The following GTF2B variants were observed in gnomAD, a reference collection of about 807,000 sequenced individuals.
The protein encoded by GTF2B is general transcription factor IIB.
GTF2B carries 20 observed loss-of-function variants against 34.6 expected under a neutral mutation model. The ratio of observed to expected loss-of-function variants is 0.58; its 90% confidence interval spans 0.41 to 0.84. GTF2B has a LOEUF of 0.84. Ranked by LOEUF, GTF2B falls within the 40% of genes least tolerant of loss-of-function variation. The pLI, the probability that GTF2B is intolerant of heterozygous loss-of-function variation, is 0.00. For synonymous variants in GTF2B, 142 were observed against 132.4 expected (o/e 1.07, Z -0.50); for missense variants, 237 against 393.3 (o/e 0.60, Z 3.36).
At chr1:88,866,535 A>G (rs1673564163) in intron 2 of GTF2B, among the ~76,000 whole-genome samples, 1 of 151,954 alleles carries the variant, frequency 6.6e-6, no homozygotes, top group Admixed American at 6.6e-5. Flanking sequence ...TAGCCTCCTG[A>G]GCAGCTACAG....
rs1403062678 is a variant in GTF2B at position 88,863,970 on chromosome 1, G to A, written c.258+11C>T. On this transcript the variant is annotated intron_variant, in intron 3 of 6. Coordinates refer to ENST00000370500, the MANE Select transcript of GTF2B (RefSeq NM_001514.6). ...CTGCAATTGGTATTTCCTGCCAAAT[G>A]GACTTATTACCTTGCCAATCATGGT... 1 of 1,612,680 alleles carries A rather than the reference G, an allele frequency of 6.2e-7. No homozygotes were observed.
intron 2 of GTF2B, among the ~76,000 whole-genome samples, chr1:88,864,500 A>C (rs948946727): frequency 5.9e-5 from 9 of 152,254 alleles, no homozygotes; most frequent in African/African-American, 2.2e-4. Flanking sequence ...GTATTAATGC[A>C]AATAATTTCA....
intron 1 of GTF2B, chr1:88,887,739 C>G (rs918010606): frequency 1.1e-4 from 26 of 234,354 alleles, no homozygotes; most frequent in Non-Finnish European, 2.0e-4. Flanking sequence ...GTGCTCTTTG[C>G]CACTTATTTC....
At chr1:88,873,229 G>T (rs541463527) in intron 2 of GTF2B, among the ~76,000 whole-genome samples, 1 of 131,758 alleles carries the variant, frequency 7.6e-6, no homozygotes, top group Non-Finnish European at 1.5e-5. Context: ...TCGCTGTGTC[G>T]CCCAGGCTGG....
intron 6 of GTF2B, among the ~76,000 whole-genome samples, chr1:88,855,021 TGAA>T (rs1227803689): frequency 2.0e-5 from 3 of 152,218 alleles, no homozygotes; most frequent in East Asian, 1.9e-4. Flanking sequence ...ACCTTACATT[TGAA>T]GAAGACTTTA....
At chr1:88,853,507 T>A (rs2794316) in intron 6 of GTF2B, among the ~76,000 whole-genome samples, 161 bp from the exon 7 acceptor site, 2 of 151,958 alleles carry the variant, frequency 1.3e-5, no homozygotes, top group Non-Finnish European at 2.9e-5. Context: ...TACTAAAAGG[T>A]AGAAAGCGGG....
chr1:88,871,003 G>A (rs1281444717), intron 2 of GTF2B, among the ~76,000 whole-genome samples: 2 of 149,332 alleles, frequency 1.3e-5, no homozygotes, highest in African/African-American at 5.0e-5. Context: ...CTAGGTTCAA[G>A]CGATTCTCCT....
intron 2 of GTF2B, among the ~76,000 whole-genome samples, chr1:88,884,601 T>TA (rs1557661702): frequency 1.3e-5 from 2 of 152,246 alleles, no homozygotes; most frequent in African/African-American, 4.8e-5. Context: ...GGCCAAGAAA[T>TA]AAGCCACTTA....
At chr1:88,886,442 G>A (rs1021383682) in intron 2 of GTF2B, among the ~76,000 whole-genome samples, 1 of 152,150 alleles carries the variant, frequency 6.6e-6, no homozygotes, top group African/African-American at 2.4e-5. Context: ...TAGGAACAAG[G>A]TGAAACTTTA....
intron 6 of GTF2B, among the ~76,000 whole-genome samples, chr1:88,856,333 G>C (rs894846024): frequency 7.7e-5 from 11 of 142,770 alleles, no homozygotes; most frequent in African/African-American, 2.8e-4. Flanking sequence ...TACTTCTGGT[G>C]AAAGTTTTCC....
chr1:88,864,025 T>A lies in GTF2B; in HGVS notation c.214A>T (p.Asn72Tyr), dbSNP rs367866313. Reference protein sequence around the residue: ...KDPSRVGDSQNPLLSDGDLST... With the variant: ...KDPSRVGDSQYPLLSDGDLST... ...AAATCTCCATCACTCAGAAGAGGAT[T>A]CTGAGAATCTCCAACTCGAGATGGA... Residue 72 changes from asparagine (N) to tyrosine (Y), a missense_variant, in exon 3 of 7, where the codon AAT becomes TAT. Around this residue, in one of 3 missense-constraint regions of GTF2B, gnomAD observed 130 missense variants for 170.9 expected, o/e 0.76. Coordinates refer to ENST00000370500, the MANE Select transcript of GTF2B (RefSeq NM_001514.6). 7 of 1,613,696 alleles carry A rather than the reference T, an allele frequency of 4.3e-6. No individual in the cohort carries two copies. The African/African-American group carries it at 6.7e-5, about 15-fold the overall frequency.
At chr1:88,874,997 T>C (rs895048538) in intron 2 of GTF2B, among the ~76,000 whole-genome samples, 9 of 152,188 alleles carry the variant, frequency 5.9e-5, no homozygotes, top group African/African-American at 1.9e-4. Context: ...CAGTCTAATG[T>C]TGATGATGAA....
rs1447378287 is a variant in GTF2B at position 88,857,245 on chromosome 1, T to C, written c.778A>G (p.Met260Val). ...PISVAAAAIY[M>V]ASQASAEKRT... ...TTTTCAGCTGATGCCTGTGAGGCCA[T>C]GTAAATAGCTGCCGCTGCCACAGAG... is the stretch of plus-strand genomic sequence containing the variant. Residue 260 changes from methionine (M) to valine (V), a missense_variant, in exon 6 of 7, where the codon ATG (methionine) becomes GTG (valine). By Grantham distance (21) the Met-to-Val change is conservative. Coordinates refer to ENST00000370500, the MANE Select transcript of GTF2B (RefSeq NM_001514.6). 1 of 1,613,974 alleles carries C rather than the reference T, an allele frequency of 6.2e-7. No homozygotes were observed. Among genetic ancestry groups the C allele is most frequent in the African/African-American group, 1.3e-5 (1 of 74,906 alleles).
At chr1:88,860,328 G>A in intron 3 of GTF2B, 42 bp from the exon 4 acceptor site, 1 of 1,498,558 alleles carries the variant, frequency 6.7e-7, no homozygotes, top group Non-Finnish European at 9.2e-7. Context: ...TTTTTGGAAA[G>A]CATGAAAAAT....
chr1:88,858,603 A>G (rs973858596), intron 5 of GTF2B: 1 of 152,200 alleles, frequency 6.6e-6, no homozygotes, highest in Non-Finnish European at 1.5e-5. Flanking sequence ...TTTAGTTATA[A>G]AAACAACAAA....
At chr1:88,880,617 C>A (rs1673914258) in intron 2 of GTF2B, among the ~76,000 whole-genome samples, 1 of 152,116 alleles carries the variant, frequency 6.6e-6, no homozygotes, top group Admixed American at 6.6e-5. Context: ...TCTGTATGCA[C>A]CCTGACAACT....
chr1:88,853,082 T>C lies in GTF2B; in HGVS notation c.*131A>G. On this transcript the variant is annotated 3_prime_UTR_variant, in exon 7 of 7. Coordinates refer to ENST00000370500, the MANE Select transcript of GTF2B (RefSeq NM_001514.6). ...TATATACATACAGAATGCCAAGCAA[T>C]AGTATTCAGCCCTGGAATGCGTACC... 1 of 777,302 alleles carries C rather than the reference T, an allele frequency of 1.3e-6. No individual in the cohort carries two copies. Among genetic ancestry groups the C allele is most frequent in the East Asian group, 2.5e-5 (1 of 40,742 alleles). The allele number at this position is 777,302 out of a possible 1,614,324, so 48.2% of individuals were successfully genotyped here. A position where few individuals can be genotyped will look rare whatever the true frequency, so the allele number is the denominator to read the frequency against.
chr1:88,863,922 A>G, intron 3 of GTF2B, 59 bp downstream of exon 3: 1 of 1,543,612 alleles, frequency 6.5e-7, no homozygotes, highest in Non-Finnish European at 8.9e-7. Context: ...CAAAGTTCCC[A>G]AACTCTCAGG....
intron 2 of GTF2B, among the ~76,000 whole-genome samples, chr1:88,876,199 C>A (rs1344226496): frequency 6.6e-6 from 1 of 152,028 alleles, no homozygotes; most frequent in African/African-American, 2.4e-5. Context: ...CTGATTTTTT[C>A]CTTTAGGAAA....
Sources: gnomAD v4.1 joint callset for allele counts (sites outside exome capture counted in the v4.1 genomes callset) on GRCh38, gnomAD v4.1.1 for gene constraint, gnomAD v4.1.1 regional missense constraint, MANE v1.5 for transcripts, NCBI Gene and HGNC (gene_info 2026-07-23, HGNC 2026-07-21) for gene names.